NIPBL: variants seen among roughly 807,000 people sequenced by gnomAD.
NIPBL encodes NIPBL cohesin loading factor.
NIPBL carries 19 observed loss-of-function variants against 321.8 expected under a neutral mutation model. The ratio of observed to expected loss-of-function variants is 0.06; its 90% CI spans 0.04 to 0.09. The LOEUF is 0.09. Among genes scored for constraint, NIPBL ranks in the 10% least tolerant of loss-of-function variants. The pLI is 1.00. For synonymous variants in NIPBL, 1,106 were observed against 1,114.1 expected (o/e 0.99, Z 0.14); for missense variants, 2,210 against 3,327.0 (o/e 0.66, Z 8.26).
At chr5:36,997,442 T>C (rs887855161) in intron 11 of NIPBL, among the ~76,000 whole-genome samples, 2 of 152,168 alleles carry the variant, frequency 1.3e-5, no homozygotes, top group Non-Finnish European at 2.9e-5. Flanking sequence ...ACATCCCTCA[T>C]GTTTGTCACC....
At chr5:37,028,333 CTT>C (rs10676635) in intron 32 of NIPBL, among the ~76,000 whole-genome samples, 2 of 102,532 alleles carry the variant, frequency 2.0e-5, no homozygotes, top group Admixed American at 1.2e-4. Flanking sequence ...TTCCATAATA[CTT>C]TTTTTTTTTT....
At chr5:36,884,932 G>C (rs559047005) in intron 1 of NIPBL, among the ~76,000 whole-genome samples, 9 of 152,252 alleles carry the variant, frequency 5.9e-5, no homozygotes, top group Middle Eastern at 6.8e-3. Flanking sequence ...AGCTGTTAAT[G>C]AGGATCGTGA....
intron 10 of NIPBL, among the ~76,000 whole-genome samples, chr5:36,990,752 TAAAAG>T (rs1733705342): frequency 6.6e-6 from 1 of 152,162 alleles, no homozygotes; most frequent in Non-Finnish European, 1.5e-5. Flanking sequence ...AAATATTGCT[TAAAAG>T]AAATGCATTA....
At chr5:37,013,068 C>T (rs1166627715) in intron 21 of NIPBL, among the ~76,000 whole-genome samples, 119 of 149,878 alleles carry the variant, frequency 7.9e-4, no homozygotes, top group Non-Finnish European at 1.3e-3. Context: ...CCCTCCTGGA[C>T]GGGGCAGCTG....
chr5:36,955,704 T>A, intron 3 of NIPBL, 67 bp downstream of exon 3: 1 of 1,305,330 alleles, frequency 7.7e-7, no homozygotes, highest in South Asian at 1.2e-5. Flanking sequence ...GAATCCGTAT[T>A]CCTGGTTTTA....
chr5:36,894,574 C>G (rs1203768886), intron 1 of NIPBL, among the ~76,000 whole-genome samples: 1 of 152,050 alleles, frequency 6.6e-6, no homozygotes, highest in Non-Finnish European at 1.5e-5. Flanking sequence ...ACCTTTTGAT[C>G]AAAACATTTA....
At chr5:37,028,469 T>A (rs1580519525) in intron 32 of NIPBL, among the ~76,000 whole-genome samples, 1 of 151,270 alleles carries the variant, frequency 6.6e-6, no homozygotes, top group African/African-American at 2.4e-5. Flanking sequence ...GCCTCCCAAG[T>A]AGCTGGGGTT....
At chr5:36,949,618 G>A (rs190246623) in intron 1 of NIPBL, among the ~76,000 whole-genome samples, 258 of 151,974 alleles carry the variant, frequency 1.7e-3, no homozygotes, top group Non-Finnish European at 2.9e-3. Flanking sequence ...ATGTTAACAT[G>A]TATATGATTA....
In NIPBL at chr5:37,022,168, T is replaced by C. The variant is rs1316921759; in HGVS notation, c.5427+19T>C. 6.2e-7 allele frequency: 1 copy of C among 1,613,266 alleles called. No homozygotes were observed. Among genetic ancestry groups the C allele is most frequent in the Admixed American group, 1.7e-5 (1 of 60,006 alleles). ...AGCAAGGGTAAAGAGCAAAAATGAT[T>C]CTTTCTTTTCTACTCGAATTGGAAT... On this transcript the variant is annotated intron_variant, in intron 28 of 46. Transcript: ENST00000282516.
At chr5:36,903,716 T>G (rs1747410626) in intron 1 of NIPBL, among the ~76,000 whole-genome samples, 1 of 152,240 alleles carries the variant, frequency 6.6e-6, no homozygotes, top group Non-Finnish European at 1.5e-5. Context: ...TACTGTCATT[T>G]GCTTTGTGAT....
chr5:36,910,255 A>G (rs1747947350), intron 1 of NIPBL, among the ~76,000 whole-genome samples: 3 of 152,154 alleles, frequency 2.0e-5, no homozygotes, highest in Admixed American at 2.0e-4. Flanking sequence ...GTTTTTCTAG[A>G]ACATGATTGG....
chr5:36,986,767 A>G (rs1744854876), intron 10 of NIPBL, among the ~76,000 whole-genome samples: 1 of 151,956 alleles, frequency 6.6e-6, no homozygotes, highest in Non-Finnish European at 1.5e-5. Flanking sequence ...TGTTGGGGAG[A>G]TGGTTAGTTA....
rs1029349924 is a variant in NIPBL, at chr5:37,021,986, A to T, written c.5329-65A>T. On this transcript the variant is annotated intron_variant, in intron 27 of 46. Transcript: ENST00000282516. ...GATTTGTTTTCTTTTGCATGTTTTC[A>T]TGCTATTTTTAATTAAATTTTATGT... 3 of 1,194,900 alleles carry T rather than the reference A, an allele frequency of 2.5e-6. No individual in the cohort carries two copies. In the Admixed American group the frequency reaches 5.5e-5, roughly 22 times the overall value. 74.0% of individuals were successfully genotyped at this position (1,194,900 alleles called of 1,614,324 possible). A position where few individuals can be genotyped will look rare whatever the true frequency, so the allele number is the denominator to read the frequency against.
At chr5:37,014,610 A>G in intron 21 of NIPBL, 73 bp from the exon 22 acceptor site, 4 of 886,038 alleles carry the variant, frequency 4.5e-6, no homozygotes, top group South Asian at 2.8e-5. Context: ...CTCTTCAGTA[A>G]TAACATGACA....
rs1751693543 is a variant in NIPBL, at chr5:37,036,359, A to G, written c.5863-20A>G. On this transcript the variant is annotated intron_variant, in intron 32 of 46. Transcript: ENST00000282516. ...TGTATATATATATGTATATATATAT[A>G]TATATATATGTATATATAGTTGTTG... The G allele has an allele frequency of 7.5e-6, 4 of 532,202 alleles. No individual in the cohort carries two copies. The highest frequency in any genetic ancestry group is 1.0e-4 in the East Asian group (2 of 19,118). The allele number at this position is 532,202 out of a possible 1,614,324, so 33.0% of individuals were successfully genotyped here.
intron 8 of NIPBL, among the ~76,000 whole-genome samples, chr5:36,974,114 T>A (rs1398187319): frequency 6.6e-6 from 1 of 152,166 alleles, no homozygotes; most frequent in Non-Finnish European, 1.5e-5. Flanking sequence ...GGTGAGAAGT[T>A]ATTTAGATTG....
chr5:37,019,143 A>G (rs1355682015), intron 24 of NIPBL, among the ~76,000 whole-genome samples, 168 bp from the exon 25 acceptor site: 1 of 152,132 alleles, frequency 6.6e-6, no homozygotes, highest in Non-Finnish European at 1.5e-5. Context: ...AGCTATCAAT[A>G]TATAATATTT....
rs556068534 is a variant in NIPBL at position 37,024,176 on chromosome 5, AAAG to A, written c.5575-405_5575-403del. Among the ~76,000 whole-genome samples, 255 of 152,238 alleles carry A rather than the reference AAAG, an allele frequency of 1.7e-3. 1 individual carries two copies. Among genetic ancestry groups the A allele is most frequent in the African/African-American group, 5.8e-3 (241 of 41,542 alleles). ...AGCAAAACTCCATCCCAAAAAAAAAAAAGAAGTAACCATAAGATAGTGCCAAAG... is the reference window on the plus strand; with the variant it reads ...AGCAAAACTCCATCCCAAAAAAAAAAAAGTAACCATAAGATAGTGCCAAAG... On this transcript the variant is annotated intron_variant, in intron 29 of 46. Transcript: ENST00000282516.
rs563016602 is a variant in NIPBL at position 36,877,103 on chromosome 5, C to A, written c.-155C>A. On this transcript the variant is annotated 5_prime_UTR_variant, in exon 1 of 47. Transcript: ENST00000282516. ...ACGGAAGAGGAGCCGTAGCCACCCC[C>A]CCTCCCGGCCCGGATTATAGTCTCT... is the stretch of plus-strand genomic sequence containing the variant. 8 of 346,526 alleles carry A rather than the reference C, an allele frequency of 2.3e-5. No homozygotes were observed. Among genetic ancestry groups the A allele is most frequent in the Middle Eastern group, 7.5e-4 (1 of 1,336 alleles). 21.5% of individuals were successfully genotyped at this position (346,526 alleles called of 1,614,324 possible).
Sources: allele counts gnomAD v4.1 joint callset (sites outside exome capture counted in the v4.1 genomes callset), GRCh38; gene constraint gnomAD v4.1.1; transcripts MANE v1.5; gene names NCBI Gene and HGNC (gene_info 2026-07-23, HGNC 2026-07-21).